Variants in COL14A1 observed in about 807,000 individuals in gnomAD.
The protein encoded by COL14A1 is collagen type XIV alpha 1 chain.
In COL14A1, 136 loss-of-function variants were observed where a neutral mutation model predicts 230.3. That is an observed-to-expected ratio of 0.59 (90% confidence interval 0.51 to 0.68). The LOEUF (loss-of-function observed/expected upper bound fraction) is 0.68. Among genes scored for constraint, COL14A1 ranks in the 30% least tolerant of loss-of-function variants. COL14A1 has a pLI of 0.00. For missense variants in COL14A1, 1,976 were observed against 2,215.8 expected, an observed-to-expected ratio of 0.89 and a Z score of 2.17; for synonymous variants, 792 against 784.1, an observed-to-expected ratio of 1.01 and a Z score of -0.17.
chr8:120,148,380 C>G (rs1815168394), intron 2 of COL14A1, among the ~76,000 whole-genome samples: 1 of 152,124 alleles, frequency 6.6e-6, no homozygotes, highest in Middle Eastern at 3.2e-3. Context: ...ATCTGCCCAC[C>G]TCGGCCTCCC....
Position 120,341,334 on chromosome 8 carries a change from G to T in COL14A1, c.4795G>T (p.Gly1599Ter), listed in dbSNP as rs1335249455. 1 of 1,614,176 alleles carries T rather than the reference G, an allele frequency of 6.2e-7. No individual in the cohort carries two copies. Among genetic ancestry groups the T allele is most frequent in the Admixed American group, 1.7e-5 (1 of 60,022 alleles). ...QGALGPPGVPGAKGERGERGD... is the reference protein window; with the variant it reads ...QGALGPPGVP Reference sequence around the variant, plus strand: ...TTTTCCATTTATACAGGGTGTCCCTGGAGCAAAGGGGGAACGAGGAGAGCG... The same window carrying T: ...TTTTCCATTTATACAGGGTGTCCCTTGAGCAAAGGGGGAACGAGGAGAGCG... The change falls in exon 43 of 48, where the codon GGA becomes TGA. Residue 1599 changes from glycine (G) to a stop codon, truncating the protein, a stop_gained. Transcript: ENST00000297848. LOFTEE classifies it high-confidence loss of function.
At chr8:120,245,055 C>A (rs540540031) in intron 20 of COL14A1, among the ~76,000 whole-genome samples, 2 of 152,302 alleles carry the variant, frequency 1.3e-5, no homozygotes, top group South Asian at 2.1e-4. Flanking sequence ...AGGCCCCATG[C>A]CCTAGCGATT....
At chr8:120,291,051 A>G (rs754084459) in intron 34 of COL14A1, among the ~76,000 whole-genome samples, 13 of 152,178 alleles carry the variant, frequency 8.5e-5, no homozygotes, top group Admixed American at 2.6e-4. Flanking sequence ...GACTTTTGGG[A>G]ATGTTTACAT....
At chr8:120,222,771 C>CA (rs397762677) in intron 14 of COL14A1, among the ~76,000 whole-genome samples, 60,395 of 150,956 alleles carry the variant, frequency 0.4, 12,303 homozygotes, top group Middle Eastern at 0.44. Flanking sequence ...TCTATTCACT[C>CA]AAAAAAAAAT....
chr8:120,316,717 A>G (rs1187553963), intron 40 of COL14A1, among the ~76,000 whole-genome samples: 1 of 152,108 alleles, frequency 6.6e-6, no homozygotes, highest in Non-Finnish European at 1.5e-5. Context: ...ATCTAGGCTG[A>G]GTCTTGACTG....
intron 1 of COL14A1, among the ~76,000 whole-genome samples, chr8:120,135,815 A>G (rs1814692455): frequency 6.6e-6 from 1 of 151,986 alleles, no homozygotes. Flanking sequence ...TATTCTGAAG[A>G]GTATAGAGGC....
intron 26 of COL14A1, among the ~76,000 whole-genome samples, chr8:120,275,989 C>T (rs1193818371): frequency 1.3e-5 from 2 of 151,618 alleles, no homozygotes; most frequent in Non-Finnish European, 2.9e-5. Context: ...GCTATCTACC[C>T]AAAGGAAAAG....
intron 1 of COL14A1, among the ~76,000 whole-genome samples, chr8:120,146,266 A>G (rs980943681): frequency 2.0e-5 from 3 of 152,198 alleles, no homozygotes; most frequent in Non-Finnish European, 4.4e-5. Flanking sequence ...TTTGGTGTGA[A>G]CCATGGGAAA....
At chr8:120,325,475 C>CTGTTTGTTTGTT (rs34330810) in intron 40 of COL14A1, among the ~76,000 whole-genome samples, 17 of 150,750 alleles carry the variant, frequency 1.1e-4, no homozygotes, top group African/African-American at 4.1e-4. Flanking sequence ...AAGTGTTCTG[C>CTGTTTGTTTGTT]TGTTTGTTTG....
At chr8:120,371,016 G>A in intron 47 of COL14A1, 136 bp from the exon 48 acceptor site, 1 of 1,033,538 alleles carries the variant, frequency 9.7e-7, no homozygotes, top group Admixed American at 2.3e-5. Context: ...AGGTACAAGG[G>A]GCGTGGTGGA....
Position 120,278,540 on chromosome 8 carries a change from A to C in COL14A1, c.3443A>C (p.Asp1148Ala). 1 of 1,613,100 alleles carries C rather than the reference A, an allele frequency of 6.2e-7. No individual in the cohort carries two copies. Among genetic ancestry groups the C allele is most frequent in the Admixed American group, 1.7e-5 (1 of 59,866 alleles). ...GTTATAACTGATGGAAGATCACAAG[A>C]TGATGTGAACAAAATCTCCAGGGAG... ...IVVITDGRSQ[D>A]DVNKISREMQ... is the part of the protein sequence containing the mutation. The change falls in exon 28 of 48, where the codon GAT becomes GCT. Residue 1148 changes from aspartate (D) to alanine (A), a missense_variant. Physicochemically the swap from Asp to Ala is moderately radical, Grantham distance 126. Transcript: ENST00000297848.
At chr8:120,310,889 T>C (rs1290626817) in intron 37 of COL14A1, among the ~76,000 whole-genome samples, 1 of 152,220 alleles carries the variant, frequency 6.6e-6, no homozygotes, top group Non-Finnish European at 1.5e-5. Flanking sequence ...CTTTGTAACT[T>C]GACTCCCATC....
intron 36 of COL14A1, among the ~76,000 whole-genome samples, chr8:120,305,260 G>C (rs1279959659): frequency 6.6e-6 from 1 of 152,128 alleles, no homozygotes; most frequent in African/African-American, 2.4e-5. Flanking sequence ...GATTACAGGC[G>C]TGAGCCACCG....
At chr8:120,202,263 T>C (rs929821558) in intron 8 of COL14A1, among the ~76,000 whole-genome samples, 1 of 152,234 alleles carries the variant, frequency 6.6e-6, no homozygotes, top group Non-Finnish European at 1.5e-5. Context: ...TTTAGACTTC[T>C]CTGAAAATTA....
rs189042874 is a variant in COL14A1, at chr8:120,310,039, C to A, written c.4432C>A (p.Gln1478Lys). ...GGPGLRGPKG[Q>K]QGEPGPKGPD... The stretch of plus-strand genomic sequence containing the variant: ...TCCAGGACTCCGAGGACCAAAGGGC[C>A]AGCAAGGTGAACCGGGTCCAAAGGT... The change falls in exon 37 of 48, where the codon CAG becomes AAG. Residue 1478 changes from glutamine to lysine, a missense_variant. Physicochemically the swap from Gln to Lys is moderately conservative, Grantham distance 53 (BLOSUM62 1). Coordinates refer to ENST00000297848, the MANE Select transcript of COL14A1 (RefSeq NM_021110.4). 5.0e-6 allele frequency: 8 copies of A among 1,613,502 alleles called. No homozygotes were observed.
At chr8:120,355,865 CT>C (rs1822966656) in intron 45 of COL14A1, among the ~76,000 whole-genome samples, 1 of 152,154 alleles carries the variant, frequency 6.6e-6, no homozygotes, top group East Asian at 1.9e-4. Flanking sequence ...GAATTTATAT[CT>C]GGTTTATCTT....
intron 45 of COL14A1, among the ~76,000 whole-genome samples, chr8:120,350,049 C>T (rs10121031): frequency 0.051 from 7,375 of 144,520 alleles, 278 homozygotes; most frequent in Non-Finnish European, 0.081. Context: ...CGGCAGAAAC[C>T]CTACAAGCCA....
At chr8:120,242,243 A>G (rs981720065) in intron 19 of COL14A1, among the ~76,000 whole-genome samples, 1 of 152,220 alleles carries the variant, frequency 6.6e-6, no homozygotes, top group Admixed American at 6.5e-5. Flanking sequence ...CAATCTGCAT[A>G]TGCTGTATTA....
chr8:120,212,702 A>G, intron 13 of COL14A1, 125 bp downstream of exon 13: 2 of 1,028,580 alleles, frequency 1.9e-6, no homozygotes, highest in Admixed American at 2.7e-5. Flanking sequence ...TAAAAATCTC[A>G]TGTTCTATTT....
Sources: gnomAD v4.1 joint callset for allele counts (sites outside exome capture counted in the v4.1 genomes callset) on GRCh38, gnomAD v4.1.1 for gene constraint, MANE v1.5 for transcripts, NCBI Gene and HGNC (gene_info 2026-07-23, HGNC 2026-07-21) for gene names.